The following FAM107B variants were observed in gnomAD, a reference collection of about 807,000 sequenced individuals.
FAM107B encodes family with sequence similarity 107 member B.
FAM107B carries 21 observed loss-of-function variants against 31.5 expected under a neutral mutation model. The ratio of observed to expected loss-of-function variants is 0.67; its 90% CI spans 0.47 to 0.96. The LOEUF (loss-of-function observed/expected upper bound fraction) is 0.96, where lower values mean the gene tolerates loss of function less well. Among genes scored for constraint, FAM107B ranks in the 40% least tolerant of loss-of-function variants. The pLI is 0.00. For missense variants in FAM107B, 452 were observed against 377.1 expected (o/e 1.20, Z -1.64); for synonymous variants, 157 against 141.5 (o/e 1.11, Z -0.78).
chr10:14,567,795 T>C (rs1041453854), intron 2 of FAM107B, among the ~76,000 whole-genome samples: 1 of 152,172 alleles, frequency 6.6e-6, no homozygotes, highest in African/African-American at 2.4e-5. Flanking sequence ...TTCTGGTGAG[T>C]AGGATCTCTG....
At chr10:14,642,325 C>T (rs1315672961) in intron 2 of FAM107B, among the ~76,000 whole-genome samples, 2 of 152,236 alleles carry the variant, frequency 1.3e-5, no homozygotes, top group Non-Finnish European at 2.9e-5. Context: ...GTCCCCAAGG[C>T]TCCTCTGGAT....
intron 1 of FAM107B, among the ~76,000 whole-genome samples, chr10:14,772,362 A>AATATATATATATAT (rs1554759098): frequency 6.9e-6 from 1 of 145,590 alleles, no homozygotes; most frequent in Non-Finnish European, 1.5e-5. Flanking sequence ...TTAAAAAAAA[A>AATATATATATATAT]ATATATATAT....
chr10:14,538,978 A>G (rs1847911557), intron 2 of FAM107B, among the ~76,000 whole-genome samples: 1 of 152,242 alleles, frequency 6.6e-6, no homozygotes, highest in Non-Finnish European at 1.5e-5. Context: ...AGTTGGTCTC[A>G]GCATTCTTGA....
At chr10:14,600,084 A>T (rs150342411) in intron 2 of FAM107B, among the ~76,000 whole-genome samples, 1 of 152,254 alleles carries the variant, frequency 6.6e-6, no homozygotes, top group Admixed American at 6.5e-5. Context: ...ATGTTCTTAA[A>T]TAAGTCTTCT....
At chr10:14,544,875 G>C (rs1394403258) in intron 2 of FAM107B, among the ~76,000 whole-genome samples, 1 of 152,172 alleles carries the variant, frequency 6.6e-6, no homozygotes, top group Non-Finnish European at 1.5e-5. Flanking sequence ...GCTCCAAACA[G>C]TATGCCCTTT....
chr10:14,688,061 C>T (rs1855033332), intron 1 of FAM107B, among the ~76,000 whole-genome samples: 1 of 152,216 alleles, frequency 6.6e-6, no homozygotes, highest in African/African-American at 2.4e-5. Flanking sequence ...AATCAGCTGC[C>T]AGCACAGCTA....
intron 1 of FAM107B, among the ~76,000 whole-genome samples, chr10:14,751,258 T>C (rs1832821942): frequency 6.6e-6 from 1 of 152,248 alleles, no homozygotes; most frequent in South Asian, 2.1e-4. Flanking sequence ...CTCTTCATTA[T>C]TAAAACGAGA....
chr10:14,602,668 T>C (rs1204287662), intron 2 of FAM107B: 1 of 152,242 alleles, frequency 6.6e-6, no homozygotes, highest in African/African-American at 2.4e-5. Context: ...ATGTTACCTT[T>C]AAAATATTTT....
chr10:14,680,918 T>G (rs1480108487), intron 1 of FAM107B, among the ~76,000 whole-genome samples: 1 of 152,140 alleles, frequency 6.6e-6, no homozygotes. Context: ...CTAATCAACA[T>G]TATACCTTAG....
chr10:14,756,468 G>A (rs1044943665), intron 1 of FAM107B, among the ~76,000 whole-genome samples: 2 of 152,168 alleles, frequency 1.3e-5, no homozygotes, highest in Non-Finnish European at 2.9e-5. Flanking sequence ...GCTTTAAGAA[G>A]AAAGACTGGG....
chr10:14,632,334 G>A (rs1469075049), intron 2 of FAM107B, among the ~76,000 whole-genome samples: 2 of 136,986 alleles, frequency 1.5e-5, no homozygotes, highest in Non-Finnish European at 3.1e-5. Context: ...AAAAAATGCC[G>A]GGCGCAGTGG....
Position 14,614,676 on chromosome 10 carries a change from CAAAAAAA to C in FAM107B, c.469+52951_469+52957del, listed in dbSNP as rs576366601. On this transcript the variant is annotated intron_variant, in intron 2 of 4. Coordinates refer to ENST00000181796, the MANE Select transcript of FAM107B (RefSeq NM_031453.4). Reference sequence around the variant, plus strand: ...TGACACAGCAAGCGAGACTCTGTCTCAAAAAAAAAAAAAAAAAAAGAGACTTAGAGAA... The same window carrying C: ...TGACACAGCAAGCGAGACTCTGTCTCAAAAAAAAAAAAGAGACTTAGAGAA... 1.9e-3 allele frequency among the ~76,000 whole-genome samples: 107 copies of C among 56,316 alleles called. No individual in the cohort carries two copies. The Middle Eastern group carries it at 0.061, about 32-fold the overall frequency. 36.9% of individuals were successfully genotyped at this position (56,316 alleles called of 152,430 possible). A position where few individuals can be genotyped will look rare whatever the true frequency, so the allele number is the denominator to read the frequency against.
At chr10:14,522,272 G>A in intron 3 of FAM107B, 1 of 476,064 alleles carries the variant, frequency 2.1e-6, no homozygotes. Flanking sequence ...CCATGTGCAA[G>A]ACACTAGGCT....
chr10:14,642,358 T>C (rs1490418661), intron 2 of FAM107B, among the ~76,000 whole-genome samples: 4 of 152,316 alleles, frequency 2.6e-5, no homozygotes, highest in Admixed American at 2.6e-4. Context: ...AAGCTTCAGG[T>C]AGGGGCTTTC....
intron 2 of FAM107B, among the ~76,000 whole-genome samples, chr10:14,605,665 A>G (rs1564597708): frequency 6.6e-6 from 1 of 152,234 alleles, no homozygotes; most frequent in Non-Finnish European, 1.5e-5. Flanking sequence ...AATCCCTGCC[A>G]GAGAACTTAA....
At chr10:14,706,428 A>G (rs1855521652) in intron 1 of FAM107B, among the ~76,000 whole-genome samples, 1 of 152,022 alleles carries the variant, frequency 6.6e-6, no homozygotes, top group South Asian at 2.1e-4. Flanking sequence ...AGGTCCCACT[A>G]TGTTGCCCAG....
At chr10:14,606,117 C>T (rs1212334676) in intron 2 of FAM107B, among the ~76,000 whole-genome samples, 1 of 152,120 alleles carries the variant, frequency 6.6e-6, no homozygotes, top group Non-Finnish European at 1.5e-5. Context: ...GTCGAAGCTC[C>T]CCAGCAAACA....
At chr10:14,559,459 G>T (rs1261625188) in intron 2 of FAM107B, among the ~76,000 whole-genome samples, 2 of 145,718 alleles carry the variant, frequency 1.4e-5, no homozygotes, top group Non-Finnish European at 3.0e-5. Context: ...AAATCCCCCG[G>T]TTCTCTTACA....
At chr10:14,673,222 C>A (rs2131482674) in intron 1 of FAM107B, among the ~76,000 whole-genome samples, 1 of 152,306 alleles carries the variant, frequency 6.6e-6, no homozygotes, top group South Asian at 2.1e-4. Flanking sequence ...CTATAGAACA[C>A]TAGAAACTAT....
Sources: allele counts gnomAD v4.1 joint callset (sites outside exome capture counted in the v4.1 genomes callset), GRCh38; gene constraint gnomAD v4.1.1; transcripts MANE v1.5; gene names NCBI Gene and HGNC (gene_info 2026-07-23, HGNC 2026-07-21).